The following NUP214 variants were observed in gnomAD, a reference collection of about 807,000 sequenced individuals.
NUP214 encodes nucleoporin 214.
NUP214 carries 79 observed loss-of-function variants against 196.2 expected under a neutral mutation model. The observed-to-expected ratio is 0.40, with a 90% confidence interval of 0.34 to 0.49. The LOEUF (loss-of-function observed/expected upper bound fraction) is 0.49. Among genes scored for constraint, NUP214 ranks in the 20% least tolerant of loss-of-function variants. The pLI, the probability that NUP214 is intolerant of heterozygous loss-of-function variation, is 0.58. For synonymous variants in NUP214, 1,020 were observed against 990.5 expected (o/e 1.03, Z -0.56); for missense variants, 2,468 against 2,539.0 (o/e 0.97, Z 0.60).
rs75981609 is a variant in NUP214 at position 131,196,026 on chromosome 9, C to CCCTCT, written c.3721+734_3721+735insTCTCC. Among the ~76,000 whole-genome samples, 13 of 22,042 alleles carry CCCTCT rather than the reference C, an allele frequency of 5.9e-4. 1 individual carries two copies. The highest frequency in any genetic ancestry group is 2.5e-3 in the Non-Finnish European group (9 of 3,626). 14.5% of individuals were successfully genotyped at this position (22,042 alleles called of 152,430 possible). A position where few individuals can be genotyped will look rare whatever the true frequency, so the allele number is the denominator to read the frequency against. On this transcript the variant is annotated intron_variant, in intron 28 of 35. Coordinates refer to ENST00000359428, the MANE Select transcript of NUP214 (RefSeq NM_005085.4). ...GCAACAAGAGTGAAACTCTGTGTGT[C>CCCTCT]CCCCCCCCCCCCCGCGCCAAAAAAT... is the stretch of plus-strand genomic sequence containing the variant.
intron 24 of NUP214, among the ~76,000 whole-genome samples, chr9:131,180,756 G>C (rs1354497190): frequency 6.6e-6 from 1 of 152,162 alleles, no homozygotes; most frequent in Non-Finnish European, 1.5e-5. Flanking sequence ...AGATAGGGTA[G>C]TTGAATAAGA....
intron 33 of NUP214, 157 bp downstream of exon 33, chr9:131,228,488 G>A (rs1834786716): frequency 1.6e-6 from 1 of 630,034 alleles, no homozygotes; most frequent in East Asian, 3.4e-5. Context: ...ACCTCTCCAG[G>A]GTAAGACTCA....
intron 3 of NUP214, 195 bp downstream of exon 3, chr9:131,128,678 C>T (rs775386967): frequency 2.8e-4 from 137 of 492,832 alleles, no homozygotes; most frequent in African/African-American, 1.6e-3. Flanking sequence ...TCTTTCATAA[C>T]GCCATCTGCC....
chr9:131,168,352 A>G (rs1311101135), intron 21 of NUP214, among the ~76,000 whole-genome samples: 1 of 152,216 alleles, frequency 6.6e-6, no homozygotes, highest in Admixed American at 6.5e-5. Context: ...TGTCTTTCAC[A>G]ATTGGATCAA....
rs756393440 is a variant in NUP214, at chr9:131,198,873, A to T, written c.5379A>T (p.Thr1793=). ...CATTTGGACAGTCTTCTCCCAACAC[A>T]GGAGGGGGGCTGTTTGGCCAAAGCA... ...SFSFGQSSPN[T]GGGLFGQSNA... Residue 1793 remains threonine (T), a synonymous_variant, in exon 29 of 36, where the codon ACA becomes ACT. Transcript: ENST00000359428. 4.3e-6 allele frequency: 7 copies of T among 1,614,080 alleles called. No individual in the cohort carries two copies. The highest frequency in any genetic ancestry group is 5.9e-6 in the Non-Finnish European group (7 of 1,180,022).
At chr9:131,204,289 A>G (rs1201135045) in intron 30 of NUP214, among the ~76,000 whole-genome samples, 2 of 152,246 alleles carry the variant, frequency 1.3e-5, no homozygotes, top group African/African-American at 4.8e-5. Flanking sequence ...TGTCATAGCA[A>G]ATTTGAAGAA....
intron 28 of NUP214, 120 bp downstream of exon 28, chr9:131,195,414 A>T: frequency 2.6e-6 from 2 of 774,558 alleles, no homozygotes; most frequent in Non-Finnish European, 4.5e-6. Flanking sequence ...ATCTGCAATA[A>T]GCTCAGTGTT....
chr9:131,165,729 TAATG>T (rs549538301), intron 21 of NUP214, among the ~76,000 whole-genome samples: 84 of 152,356 alleles, frequency 5.5e-4, no homozygotes, highest in Non-Finnish European at 1.1e-3. Flanking sequence ...GTGTGTCTGT[TAATG>T]AATGAATGGA....
intron 18 of NUP214, among the ~76,000 whole-genome samples, chr9:131,162,196 G>A (rs539200009): frequency 3.5e-4 from 54 of 152,260 alleles, no homozygotes; most frequent in Non-Finnish European, 6.6e-4. Flanking sequence ...CAGCTCTACT[G>A]TAATCTTATA....
In NUP214 at chr9:131,216,374, G is replaced by A. The variant is rs1200376737; in HGVS notation, c.5749+1006G>A. ...TGAATAGCTGGGATTACAGGTGCCC[G>A]CCACCAAGCCCGGCTAATTTTTTAT... On this transcript the variant is annotated intron_variant, in intron 31 of 35. Transcript: ENST00000359428. Among the ~76,000 whole-genome samples, 5 of 150,626 alleles carry A rather than the reference G, an allele frequency of 3.3e-5. No homozygotes were observed. The East Asian group carries it at 5.8e-4, about 18-fold the overall frequency.
chr9:131,162,998 C>T lies in NUP214; in HGVS notation c.2548C>T (p.Leu850Phe), dbSNP rs1423267897. 1.2e-6 allele frequency: 2 copies of T among 1,614,100 alleles called. No homozygotes were observed. Among genetic ancestry groups the T allele is most frequent in the South Asian group, 2.2e-5 (2 of 91,058 alleles). The change falls in exon 19 of 36, where the codon CTT becomes TTT. Residue 850 changes from leucine (L) to phenylalanine (F), a missense_variant. Transcript: ENST00000359428. ...TCTCATTGTTGTCAACAGGCACCTG[C>T]TTGTGCCAGAGCGAGAGACACTGTT... ...LEQKKKQRHLLVPERETLFNT... is the reference protein window; with the variant it reads ...LEQKKKQRHLFVPERETLFNT...
chr9:131,174,067 G>C lies in NUP214; in HGVS notation c.2906G>C (p.Arg969Pro). ...GGGGCTTTTGTAGCCAGCCTGTCTCGATCAGCCTTTCTGTCTCAGAGATAT... is the reference window on the plus strand; with the variant it reads ...GGGGCTTTTGTAGCCAGCCTGTCTCCATCAGCCTTTCTGTCTCAGAGATAT... ...VRSTAPASLS[R>P]SAFLSQRYYE... The change falls in exon 22 of 36, where the codon CGA becomes CCA. Residue 969 changes from arginine (R) to proline (P), a missense_variant. By Grantham distance (103) the Arg-to-Pro change is moderately radical. Around this residue, in one of 5 missense-constraint regions of NUP214, gnomAD observed 1,801 missense variants for 1,779.4 expected, o/e 1.01. Transcript: ENST00000359428. 6.2e-7 allele frequency: 1 copy of C among 1,612,342 alleles called. No individual in the cohort carries two copies. The highest frequency in any genetic ancestry group is 8.5e-7 in the Non-Finnish European group (1 of 1,179,486).
rs1023959592 is a variant in NUP214, at chr9:131,133,050, T to C, written c.728-56T>C. 5 of 1,337,444 alleles carry C rather than the reference T, an allele frequency of 3.7e-6. No homozygotes were observed. The Admixed American group carries it at 5.3e-5, about 14-fold the overall frequency. The allele number at this position is 1,337,444 out of a possible 1,614,324, so 82.8% of individuals were successfully genotyped here. A position where few individuals can be genotyped will look rare whatever the true frequency, so the allele number is the denominator to read the frequency against. ...GCTATTCCAAACATAAGCTGCTTTTTCTTGTATCTGGTTGCTGTCATTTTT... is the reference window on the plus strand; with the variant it reads ...GCTATTCCAAACATAAGCTGCTTTTCCTTGTATCTGGTTGCTGTCATTTTT... On this transcript the variant is annotated intron_variant, in intron 6 of 35. Transcript: ENST00000359428.
At chr9:131,200,674 A>G (rs1482423680) in intron 29 of NUP214, among the ~76,000 whole-genome samples, 1 of 152,126 alleles carries the variant, frequency 6.6e-6, no homozygotes, top group Non-Finnish European at 1.5e-5. Flanking sequence ...GTGCCACTGC[A>G]CTCCAGCCTG....
chr9:131,192,166 A>ATTT (rs1211846066), intron 26 of NUP214, 42 bp from the exon 27 acceptor site: 10 of 725,910 alleles, frequency 1.4e-5, no homozygotes, highest in Admixed American at 1.3e-4. Flanking sequence ...TTTTTGTAAT[A>ATTT]TTCTTTTTTT....
At chr9:131,231,545 G>A (rs1053164850) in intron 34 of NUP214, among the ~76,000 whole-genome samples, 1 of 150,310 alleles carries the variant, frequency 6.7e-6, no homozygotes, top group African/African-American at 2.5e-5. Flanking sequence ...AGAAATTACT[G>A]TCTTGATTTC....
chr9:131,230,753 T>A lies in NUP214; in HGVS notation c.6198T>A (p.Phe2066Leu). The part of the protein sequence containing the change: ...FGTQSSGFSG[F>L]GSGTGGFSFG... ...CCCAGAGTAGCGGATTCTCTGGTTT[T>A]GGATCAGGCACAGGAGGTAAGCTGC... Residue 2066 changes from phenylalanine (F) to leucine (L), a missense_variant, in exon 34 of 36, where the codon TTT becomes TTA. Physicochemically the swap from Phe to Leu is conservative, Grantham distance 22. Coordinates refer to ENST00000359428, the MANE Select transcript of NUP214 (RefSeq NM_005085.4). 1 of 1,613,888 alleles carries A rather than the reference T, an allele frequency of 6.2e-7. No individual in the cohort carries two copies. Among genetic ancestry groups the A allele is most frequent in the Non-Finnish European group, 8.5e-7 (1 of 1,179,960 alleles).
chr9:131,179,856 G>C (rs1221572928), intron 24 of NUP214, among the ~76,000 whole-genome samples: 2 of 152,196 alleles, frequency 1.3e-5, no homozygotes, highest in African/African-American at 4.8e-5. Flanking sequence ...ATTTGTGGTT[G>C]TTGCAAGCTT....
At chr9:131,223,848 C>T (rs1476486517) in intron 32 of NUP214, among the ~76,000 whole-genome samples, 2 of 148,716 alleles carry the variant, frequency 1.3e-5, no homozygotes, top group African/African-American at 2.5e-5. Flanking sequence ...CATTCTCCTG[C>T]GTCAGCCTCC....
Sources: allele counts gnomAD v4.1 joint callset (sites outside exome capture counted in the v4.1 genomes callset), GRCh38; gene constraint gnomAD v4.1.1; regional missense constraint gnomAD v4.1.1; transcripts MANE v1.5; gene names NCBI Gene and HGNC (gene_info 2026-07-23, HGNC 2026-07-21).